The following RASAL2 variants were observed in gnomAD, a reference collection of about 807,000 sequenced individuals.
The protein encoded by RASAL2 is ras GTPase-activating protein nGAP.
RASAL2 carries 58 observed loss-of-function variants against 128.9 expected under a neutral mutation model. The observed-to-expected ratio is 0.45, with a 90% confidence interval of 0.36 to 0.56. The LOEUF (loss-of-function observed/expected upper bound fraction) is 0.56. RASAL2 is among the 20% of genes least tolerant of loss of function. The pLI is 0.00. For synonymous variants in RASAL2, 561 were observed against 580.8 expected, an observed-to-expected ratio of 0.97 and a Z score of 0.49; for missense variants, 1,360 against 1,601.6, an observed-to-expected ratio of 0.85 and a Z score of 2.57.
At chr1:178,162,403 T>A (rs1400382076) in intron 1 of RASAL2, among the ~76,000 whole-genome samples, 2 of 110,252 alleles carry the variant, frequency 1.8e-5, no homozygotes, top group South Asian at 4.7e-4. Flanking sequence ...TATTATATAT[T>A]TTATATATTA....
chr1:178,117,221 T>A (rs1659550449), intron 1 of RASAL2, among the ~76,000 whole-genome samples: 1 of 149,326 alleles, frequency 6.7e-6, no homozygotes, highest in African/African-American at 2.5e-5. Context: ...ATAAAGTAAT[T>A]GATACTGTTG....
Position 178,442,679 on chromosome 1 carries a change from A to G in RASAL2, c.932A>G (p.Asn311Ser), listed in dbSNP as rs140051796. ...LRRTVQPNKDNCRRAENVLRL... is the reference protein window; with the variant it reads ...LRRTVQPNKDSCRRAENVLRL... ...AGCTTTGTTGCCTCTTTATAGGACA[A>G]TTGCAGGCGAGCTGAAAATGTTCTT... is the stretch of plus-strand genomic sequence containing the variant. Residue 311 changes from asparagine (N) to serine (S), a missense_variant, in exon 8 of 18, where the codon AAT becomes AGT. Physicochemically the swap from Asn to Ser is conservative, Grantham distance 46. Transcript: ENST00000367649. 5.0e-6 allele frequency: 8 copies of G among 1,602,060 alleles called. No individual in the cohort carries two copies. In the Admixed American group the frequency reaches 5.2e-5, roughly 10 times the overall value.
intron 3 of RASAL2, among the ~76,000 whole-genome samples, chr1:178,319,865 A>G (rs1480375508): frequency 5.9e-5 from 9 of 152,074 alleles, no homozygotes; most frequent in Admixed American, 2.0e-4. Flanking sequence ...AGGAGGAGAG[A>G]CGCTCTGCGT....
chr1:178,140,968 G>A (rs921416092), intron 1 of RASAL2, among the ~76,000 whole-genome samples: 2 of 152,186 alleles, frequency 1.3e-5, no homozygotes, highest in Non-Finnish European at 2.9e-5. Context: ...GGAAGCGGAA[G>A]GCAGAAGGGC....
In RASAL2 at chr1:178,345,098, T is replaced by G. The variant is rs183630741; in HGVS notation, c.457+44980T>G. 2.0e-5 allele frequency among the ~76,000 whole-genome samples: 3 copies of G among 152,268 alleles called. No individual in the cohort carries two copies. The East Asian group carries it at 5.8e-4, about 29-fold the overall frequency. ...CCTCCTTGCCCCTACTCAAACCGTG[T>G]CATTAAGCTGAATTGGAAATACTGT... On this transcript the variant is annotated intron_variant, in intron 3 of 17. Coordinates refer to ENST00000367649, the MANE Select transcript of RASAL2 (RefSeq NM_170692.4).
chr1:178,208,602 C>A (rs773071029), intron 1 of RASAL2, among the ~76,000 whole-genome samples: 4 of 152,208 alleles, frequency 2.6e-5, no homozygotes, highest in Non-Finnish European at 2.9e-5. Flanking sequence ...ATCAGTAGTT[C>A]TGCTTTTGCC....
At chr1:178,164,782 GTTTTAAGT>G (rs1278567897) in intron 1 of RASAL2, among the ~76,000 whole-genome samples, 1 of 142,234 alleles carries the variant, frequency 7.0e-6, no homozygotes. Flanking sequence ...TGAGACCACA[GTTTTAAGT>G]TTTTTAGAAC....
chr1:178,227,397 A>G (rs746784983), intron 1 of RASAL2, among the ~76,000 whole-genome samples: 1 of 152,206 alleles, frequency 6.6e-6, no homozygotes, highest in Non-Finnish European at 1.5e-5. Flanking sequence ...TTCATGTTAC[A>G]TTATGGCAGA....
At chr1:178,187,441 G>C (rs1335184280) in intron 1 of RASAL2, among the ~76,000 whole-genome samples, 2 of 151,932 alleles carry the variant, frequency 1.3e-5, no homozygotes, top group African/African-American at 4.8e-5. Flanking sequence ...GTTTATAATA[G>C]CTGTTTTATA....
chr1:178,232,581 T>C (rs1395975565), intron 1 of RASAL2, among the ~76,000 whole-genome samples: 1 of 152,356 alleles, frequency 6.6e-6, no homozygotes, highest in East Asian at 1.9e-4. Flanking sequence ...AAATTCTTCA[T>C]AGTGTAATAT....
intron 1 of RASAL2, among the ~76,000 whole-genome samples, chr1:178,205,870 CT>C (rs1434195134): frequency 1.3e-5 from 2 of 151,876 alleles, no homozygotes; most frequent in Non-Finnish European, 2.9e-5. Flanking sequence ...GCCACCCATA[CT>C]TACCATTTTA....
chr1:178,102,178 C>T (rs1470782234), intron 1 of RASAL2, among the ~76,000 whole-genome samples: 1 of 152,052 alleles, frequency 6.6e-6, no homozygotes, highest in Non-Finnish European at 1.5e-5. Context: ...AATTTCTAAC[C>T]TCTGATTCCT....
In RASAL2 at chr1:178,197,470, G is replaced by A. The variant is rs562214850; in HGVS notation, c.203-86094G>A. Among the ~76,000 whole-genome samples the A allele has an allele frequency of 2.0e-4, 30 of 151,810 alleles. No homozygotes were observed. In the East Asian group the frequency reaches 2.1e-3, roughly 11 times the overall value. ...CTCTGTCTCGAAAAAAAAACCAGGC[G>A]TGGTGGTGTGCACCTGTAGCCCCAG... On this transcript the variant is annotated intron_variant, in intron 1 of 17. Coordinates refer to ENST00000367649, the MANE Select transcript of RASAL2 (RefSeq NM_170692.4).
At chr1:178,372,516 G>C (rs1296381819) in intron 3 of RASAL2, among the ~76,000 whole-genome samples, 2 of 152,144 alleles carry the variant, frequency 1.3e-5, no homozygotes, top group African/African-American at 4.8e-5. Flanking sequence ...CACTAGCTAT[G>C]AGAAATAAGA....
intron 3 of RASAL2, among the ~76,000 whole-genome samples, chr1:178,324,502 C>G (rs1473311572): frequency 2.0e-5 from 3 of 150,276 alleles, no homozygotes; most frequent in African/African-American, 7.3e-5. Context: ...TTGTTTTTTT[C>G]CATTTTCACT....
At chr1:178,190,378 G>A (rs1662450785) in intron 1 of RASAL2, among the ~76,000 whole-genome samples, 1 of 152,072 alleles carries the variant, frequency 6.6e-6, no homozygotes, top group Non-Finnish European at 1.5e-5. Context: ...AAATGTGTAA[G>A]GCCTTACACA....
intron 1 of RASAL2, among the ~76,000 whole-genome samples, chr1:178,145,348 C>G (rs1558079026): frequency 6.6e-6 from 1 of 151,728 alleles, no homozygotes; most frequent in Non-Finnish European, 1.5e-5. Context: ...TTTATAGTAA[C>G]TTATTTTCTA....
At chr1:178,208,087 C>T (rs1663119072) in intron 1 of RASAL2, among the ~76,000 whole-genome samples, 1 of 152,184 alleles carries the variant, frequency 6.6e-6, no homozygotes, top group African/African-American at 2.4e-5. Flanking sequence ...CTCAGGACCA[C>T]TGTGATTATT....
chr1:178,109,991 C>T (rs1353433833), intron 1 of RASAL2, among the ~76,000 whole-genome samples: 1 of 152,114 alleles, frequency 6.6e-6, no homozygotes, highest in Admixed American at 6.6e-5. Flanking sequence ...ACACTTCAGC[C>T]TGAGCTACAG....
Sources: gnomAD v4.1 joint callset for allele counts (sites outside exome capture counted in the v4.1 genomes callset) on GRCh38, gnomAD v4.1.1 for gene constraint, MANE v1.5 for transcripts, NCBI Gene and HGNC (gene_info 2026-07-23, HGNC 2026-07-21) for gene names.